Variants in ZNF385D observed in about 807,000 individuals in gnomAD.
ZNF385D encodes the protein zinc finger protein 659.
ZNF385D carries 15 observed loss-of-function variants against 35.8 expected under a neutral mutation model. The observed-to-expected ratio is 0.42, with a 90% CI of 0.28 to 0.64. The LOEUF (loss-of-function observed/expected upper bound fraction) is 0.64. ZNF385D is among the 30% of genes least tolerant of loss of function. The pLI is 0.23. For synonymous variants in ZNF385D, 212 were observed against 186.8 expected (o/e 1.13, Z -1.10); for missense variants, 474 against 494.6 (o/e 0.96, Z 0.39).
At chr3:21,680,586 T>C (rs192923861) in intron 1 of ZNF385D, among the ~76,000 whole-genome samples, 6 of 152,130 alleles carry the variant, frequency 3.9e-5, no homozygotes, top group Non-Finnish European at 8.8e-5. Flanking sequence ...TCGGATATGA[T>C]GACTGATGCT....
chr3:22,242,156 C>T (rs1246279526), intron 2 of ZNF385D, among the ~76,000 whole-genome samples: 1 of 150,560 alleles, frequency 6.6e-6, no homozygotes, highest in African/African-American at 2.5e-5. Context: ...AGCGCACCAG[C>T]GTGGCACCTG....
At chr3:22,105,472 A>C (rs1442576944) in intron 3 of ZNF385D, among the ~76,000 whole-genome samples, 1 of 152,154 alleles carries the variant, frequency 6.6e-6, no homozygotes, top group Non-Finnish European at 1.5e-5. Flanking sequence ...CTTAATATAA[A>C]ATATTGGCTC....
chr3:22,231,379 C>G (rs2125298242), intron 2 of ZNF385D, among the ~76,000 whole-genome samples: 1 of 152,220 alleles, frequency 6.6e-6, no homozygotes, highest in South Asian at 2.1e-4. Flanking sequence ...AAAAAAGTTC[C>G]CCATTAATAC....
intron 1 of ZNF385D, among the ~76,000 whole-genome samples, chr3:21,672,906 C>G (rs918677088): frequency 2.0e-5 from 3 of 152,086 alleles, no homozygotes; most frequent in African/African-American, 7.2e-5. Context: ...CTGAAACATA[C>G]TAGAGAAAAA....
intron 3 of ZNF385D, among the ~76,000 whole-genome samples, chr3:21,770,100 A>C (rs1400470504): frequency 6.6e-6 from 1 of 152,214 alleles, no homozygotes; most frequent in Admixed American, 6.5e-5. Context: ...GATGGATTAA[A>C]GACTTACATG....
intron 3 of ZNF385D, among the ~76,000 whole-genome samples, chr3:22,165,075 T>C (rs890101946): frequency 3.3e-5 from 5 of 152,190 alleles, no homozygotes; most frequent in Non-Finnish European, 5.9e-5. Context: ...GATGTTGTGA[T>C]GTTGGATACA....
At chr3:22,197,106 G>A (rs1262760910) in intron 2 of ZNF385D, among the ~76,000 whole-genome samples, 1 of 151,860 alleles carries the variant, frequency 6.6e-6, no homozygotes, top group Non-Finnish European at 1.5e-5. Context: ...TTAGTCTGAT[G>A]TTTTGTTTTC....
intron 3 of ZNF385D, among the ~76,000 whole-genome samples, chr3:22,045,391 C>G (rs259461): frequency 0.35 from 52,551 of 151,920 alleles, 9,341 homozygotes; most frequent in Middle Eastern, 0.44. Context: ...TTGAGAAATA[C>G]GAATGGGAGA....
At chr3:22,080,384 T>G (rs577724112) in intron 3 of ZNF385D, among the ~76,000 whole-genome samples, 2 of 152,204 alleles carry the variant, frequency 1.3e-5, no homozygotes, top group Non-Finnish European at 2.9e-5. Context: ...TCTACTTTTG[T>G]TTTTAGAGAA....
intron 2 of ZNF385D, among the ~76,000 whole-genome samples, chr3:22,244,026 T>A (rs1576553248): frequency 6.6e-6 from 1 of 150,912 alleles, no homozygotes; most frequent in African/African-American, 2.5e-5. Context: ...AATCTCTTCA[T>A]TGGCTTAGCA....
intron 3 of ZNF385D, among the ~76,000 whole-genome samples, chr3:22,059,182 G>A (rs1053020113): frequency 1.3e-5 from 2 of 152,168 alleles, no homozygotes; most frequent in South Asian, 2.1e-4. Flanking sequence ...GGAGGTGACT[G>A]CCCTCTGGTC....
upstream of ZNF385D, among the ~76,000 whole-genome samples, chr3:21,754,334 T>A (rs1250896801): frequency 2.0e-5 from 3 of 152,178 alleles, no homozygotes; most frequent in Admixed American, 1.3e-4. Context: ...CCCTGACCTT[T>A]ACCTGTCTCT....
intron 2 of ZNF385D, among the ~76,000 whole-genome samples, chr3:22,239,857 C>T (rs1178191913): frequency 2.0e-5 from 3 of 150,556 alleles, no homozygotes; most frequent in Non-Finnish European, 2.9e-5. Flanking sequence ...AATTCTCAAG[C>T]ACATAGAACG....
At chr3:21,777,402 G>A (rs1014786920) in intron 3 of ZNF385D, among the ~76,000 whole-genome samples, 2 of 151,882 alleles carry the variant, frequency 1.3e-5, no homozygotes, top group African/African-American at 4.8e-5. Context: ...GATGGTGAGA[G>A]GAGATGGGCA....
intron 3 of ZNF385D, among the ~76,000 whole-genome samples, chr3:22,019,034 CTTTTTTTTTT>C (rs11380195): frequency 3.6e-4 from 23 of 64,470 alleles, no homozygotes; most frequent in African/African-American, 1.2e-3. Flanking sequence ...AGTTATTTAC[CTTTTTTTTTT>C]TTTTTTTTTT....
intron 2 of ZNF385D, among the ~76,000 whole-genome samples, chr3:22,288,804 T>C (rs1236903409): frequency 6.6e-6 from 1 of 152,130 alleles, no homozygotes; most frequent in Non-Finnish European, 1.5e-5. Context: ...TTGGTTTCTG[T>C]TTATTAGATG....
chr3:21,774,055 G>A (rs2071189593), intron 3 of ZNF385D, among the ~76,000 whole-genome samples: 1 of 152,022 alleles, frequency 6.6e-6, no homozygotes, highest in Non-Finnish European at 1.5e-5. Flanking sequence ...TAAAGAAAAT[G>A]TGGTACATAT....
At chr3:21,603,010 T>G (rs2064361511) in intron 2 of ZNF385D, among the ~76,000 whole-genome samples, 1 of 152,220 alleles carries the variant, frequency 6.6e-6, no homozygotes, top group African/African-American at 2.4e-5. Flanking sequence ...TTTATGCCTC[T>G]GTCCATATCA....
chr3:21,762,430 C>A (rs2070660099), intron 3 of ZNF385D, among the ~76,000 whole-genome samples: 1 of 152,146 alleles, frequency 6.6e-6, no homozygotes, highest in Non-Finnish European at 1.5e-5. Flanking sequence ...GTGATCCACT[C>A]ATGGCACCTC....
Sources: gnomAD v4.1 joint callset for allele counts (sites outside exome capture counted in the v4.1 genomes callset) on GRCh38, gnomAD v4.1.1 for gene constraint, MANE v1.5 for transcripts, NCBI Gene and HGNC (gene_info 2026-07-23, HGNC 2026-07-21) for gene names.